TTC33: variants seen among roughly 807,000 people sequenced by gnomAD.
TTC33 encodes tetratricopeptide repeat protein 33.
Under a neutral mutation model 29.4 loss-of-function variants are expected in TTC33, and 24 were observed. The ratio of observed to expected loss-of-function variants is 0.82; its 90% CI spans 0.59 to 1.15. The LOEUF (loss-of-function observed/expected upper bound fraction) is 1.15, where lower values mean the gene tolerates loss of function less well. Ranked by LOEUF, TTC33 falls within the 50% of genes most tolerant of loss-of-function variation. TTC33 has a pLI of 0.00. For missense variants in TTC33, 286 were observed against 310.4 expected (o/e 0.92, Z 0.59); for synonymous variants, 107 against 100.3 (o/e 1.07, Z -0.40).
At chr5:40,723,382 A>G (rs190925413) in intron 4 of TTC33, among the ~76,000 whole-genome samples, 2 of 152,244 alleles carry the variant, frequency 1.3e-5, no homozygotes, top group Admixed American at 6.5e-5. Context: ...CTATTGTCCT[A>G]TGACCCTGCC....
intron 2 of TTC33, among the ~76,000 whole-genome samples, chr5:40,739,810 T>G (rs937338583): frequency 6.6e-6 from 1 of 152,198 alleles, no homozygotes; most frequent in African/African-American, 2.4e-5. Flanking sequence ...TAGTGTATAT[T>G]TATTGATTTA....
At chr5:40,741,670 C>T (rs1249397584) in intron 2 of TTC33, among the ~76,000 whole-genome samples, 1 of 152,106 alleles carries the variant, frequency 6.6e-6, no homozygotes, top group Non-Finnish European at 1.5e-5. Context: ...GTGCCCATTC[C>T]CTGGAGACTA....
intron 2 of TTC33, among the ~76,000 whole-genome samples, chr5:40,736,972 G>A (rs1184250271): frequency 6.6e-6 from 1 of 152,098 alleles, no homozygotes; most frequent in African/African-American, 2.4e-5. Context: ...AAAGAATCAT[G>A]AATACTCTAA....
chr5:40,730,349 G>A lies in TTC33; in HGVS notation c.222-6C>T, dbSNP rs1386619247. On this transcript the variant is annotated splice_polypyrimidine_tract_variant and splice_region_variant and intron_variant, in intron 2 of 4. Transcript: ENST00000337702. Reference sequence around the variant, plus strand: ...TCTGAATTGCCTCCCGATATCTGTGGTTGTTAAAGTTATATCAATGCCATA... The same window carrying A: ...TCTGAATTGCCTCCCGATATCTGTGATTGTTAAAGTTATATCAATGCCATA... 6.2e-7 allele frequency: 1 copy of A among 1,609,280 alleles called. No homozygotes were observed. Among genetic ancestry groups the A allele is most frequent in the South Asian group, 1.1e-5 (1 of 89,912 alleles).
At chr5:40,722,952 T>C (rs1474041324) in intron 4 of TTC33, among the ~76,000 whole-genome samples, 4 of 152,262 alleles carry the variant, frequency 2.6e-5, no homozygotes, top group Admixed American at 2.0e-4. Context: ...CAACAGCTCA[T>C]TGAGAGCGGG....
chr5:40,728,031 C>A (rs376424065), intron 4 of TTC33, among the ~76,000 whole-genome samples: 22 of 152,046 alleles, frequency 1.4e-4, no homozygotes, highest in African/African-American at 4.8e-4. Context: ...CCTGTAATCC[C>A]AGCACTTTGG....
rs1192514658 is a variant in TTC33 at position 40,746,862 on chromosome 5, C to G, written c.157G>C (p.Glu53Gln). 5.0e-6 allele frequency: 8 copies of G among 1,614,102 alleles called. No individual in the cohort carries two copies. Among genetic ancestry groups the G allele is most frequent in the Non-Finnish European group, 6.8e-6 (8 of 1,180,010 alleles). Residue 53 changes from glutamate (E) to glutamine (Q), a missense_variant, in exon 2 of 5, where the codon GAA becomes CAA. Glu to Gln is a conservative substitution (Grantham distance 29). Coordinates refer to ENST00000337702, the MANE Select transcript of TTC33 (RefSeq NM_012382.3). ...TGTTTACTTTTCTCAGCACAGCCTT[C>G]AAGAAGAATTTCTTTCCTACGTTTA... ...AIKRRKEILLEGCAEKSKQLK... is the reference protein window; with the variant it reads ...AIKRRKEILLQGCAEKSKQLK...
chr5:40,731,748 T>C (rs1265559595), intron 2 of TTC33, among the ~76,000 whole-genome samples: 1 of 152,158 alleles, frequency 6.6e-6, no homozygotes, highest in Non-Finnish European at 1.5e-5. Flanking sequence ...CCATATCACA[T>C]ATCTAAGATT....
chr5:40,751,102 C>T (rs1350655746), intron 1 of TTC33, among the ~76,000 whole-genome samples: 1 of 152,170 alleles, frequency 6.6e-6, no homozygotes, highest in East Asian at 1.9e-4. Flanking sequence ...GAATCCTTTC[C>T]AGAAAGTTTT....
chr5:40,726,457 G>T (rs1742289023), intron 4 of TTC33, among the ~76,000 whole-genome samples: 1 of 150,592 alleles, frequency 6.6e-6, no homozygotes. Flanking sequence ...GACATTTTGA[G>T]TCATCTTTTT....
intron 2 of TTC33, among the ~76,000 whole-genome samples, chr5:40,744,487 G>GTTTT (rs375739587): frequency 4.4e-5 from 6 of 136,400 alleles, no homozygotes; most frequent in Non-Finnish European, 4.7e-5. Context: ...ACTCTTACCA[G>GTTTT]TTTTTTTTTT....
In TTC33 at chr5:40,725,739, A is replaced by G. The variant is rs114225113; in HGVS notation, c.435+2606T>C. On this transcript the variant is annotated intron_variant, in intron 4 of 4. Coordinates refer to ENST00000337702, the MANE Select transcript of TTC33 (RefSeq NM_012382.3). The stretch of plus-strand genomic sequence containing the variant: ...TATGTATTCCTTTCTCACCATCCCC[A>G]TTCCCTCATACAGAATTTTTAACTC... Among the ~76,000 whole-genome samples the G allele has an allele frequency of 4.6e-3, 662 of 143,446 alleles. 6 individuals are homozygous for G. The highest frequency in any genetic ancestry group is 0.016 in the African/African-American group (632 of 38,560). The allele number at this position is 143,446 out of a possible 152,430, so 94.1% of individuals were successfully genotyped here. A position where few individuals can be genotyped will look rare whatever the true frequency, so the allele number is the denominator to read the frequency against.
At chr5:40,734,925 G>A (rs978071164) in intron 2 of TTC33, among the ~76,000 whole-genome samples, 3 of 152,204 alleles carry the variant, frequency 2.0e-5, no homozygotes, top group African/African-American at 7.2e-5. Context: ...GTGACCAAGT[G>A]GCTATTCGGA....
chr5:40,724,243 C>T (rs866831459), intron 4 of TTC33, among the ~76,000 whole-genome samples: 23 of 152,278 alleles, frequency 1.5e-4, no homozygotes, highest in Middle Eastern at 3.4e-3. Context: ...ACTTTGAGGA[C>T]ATTATGCTAA....
intron 2 of TTC33, among the ~76,000 whole-genome samples, chr5:40,731,184 A>G (rs990643112): frequency 2.0e-5 from 3 of 152,212 alleles, no homozygotes; most frequent in African/African-American, 7.2e-5. Flanking sequence ...GGTAGCAGTA[A>G]TAAATTCTGC....
At chr5:40,749,732 T>C (rs1381540439) in intron 1 of TTC33, among the ~76,000 whole-genome samples, 1 of 152,210 alleles carries the variant, frequency 6.6e-6, no homozygotes, top group Non-Finnish European at 1.5e-5. Context: ...TCCCTATGCA[T>C]ATAAAAGTTA....
rs1741909592 is a variant in TTC33 at position 40,712,130 on chromosome 5, T to G, written c.*4015A>C. ...GAGGATATCCTAATTCATTTCACAT[T>G]CTTCCCTTCCAATTCAATCTAGAGT... On this transcript the variant is annotated 3_prime_UTR_variant, in exon 5 of 5. Coordinates refer to ENST00000337702, the MANE Select transcript of TTC33 (RefSeq NM_012382.3). 6.6e-6 allele frequency among the ~76,000 whole-genome samples: 1 copy of G among 152,164 alleles called. No individual in the cohort carries two copies. The highest frequency in any genetic ancestry group is 2.4e-5 in the African/African-American group (1 of 41,454).
chr5:40,749,884 T>C (rs1420675174), intron 1 of TTC33, among the ~76,000 whole-genome samples: 2 of 151,510 alleles, frequency 1.3e-5, no homozygotes, highest in Non-Finnish European at 2.9e-5. Context: ...GGTCAGGAGT[T>C]TGAGACCAGC....
intron 4 of TTC33, among the ~76,000 whole-genome samples, chr5:40,720,026 A>G (rs10038769): frequency 1.3e-5 from 2 of 151,986 alleles, no homozygotes; most frequent in African/African-American, 4.8e-5. Context: ...TTTGAAGCAC[A>G]AAAGTGTTTA....
Sources: gnomAD v4.1 joint callset for allele counts (sites outside exome capture counted in the v4.1 genomes callset) on GRCh38, gnomAD v4.1.1 for gene constraint, MANE v1.5 for transcripts, NCBI Gene and HGNC (gene_info 2026-07-23, HGNC 2026-07-21) for gene names.